MPHOSPH9: variants seen among roughly 807,000 people sequenced by gnomAD.
The protein encoded by MPHOSPH9 is M-phase phosphoprotein 9.
In MPHOSPH9, 88 loss-of-function variants were observed where a neutral mutation model predicts 145.5. The observed-to-expected ratio is 0.60, with a 90% CI of 0.51 to 0.72. MPHOSPH9 has a LOEUF of 0.72. MPHOSPH9 is among the 30% of genes least tolerant of loss of function. The pLI, the probability that MPHOSPH9 is intolerant of heterozygous loss-of-function variation, is 0.00. For missense variants in MPHOSPH9, 1,238 were observed against 1,386.6 expected (o/e 0.89, Z 1.70); for synonymous variants, 435 against 486.2 (o/e 0.89, Z 1.39).
At chr12:123,189,779 C>CA (rs1039717814) in intron 13 of MPHOSPH9, among the ~76,000 whole-genome samples, 7 of 151,286 alleles carry the variant, frequency 4.6e-5, no homozygotes, top group Admixed American at 2.6e-4. Flanking sequence ...CTAAAAATAC[C>CA]AAAAAAATCA....
chr12:123,202,626 A>T lies in MPHOSPH9; in HGVS notation c.1779T>A (p.Ser593=). 6.2e-7 allele frequency: 1 copy of T among 1,610,714 alleles called. No individual in the cohort carries two copies. The highest frequency in any genetic ancestry group is 8.5e-7 in the Non-Finnish European group (1 of 1,177,160). ...AAGCCATTCACTGAAATACATACTT[A>T]GACAATATCACAGGATCTTCCAAGG... ...LTSLEDPVIL[S]KIRQNLKEKH... is the part of the protein sequence containing the mutation. Residue 593 remains serine (S), a splice_region_variant and synonymous_variant, in exon 10 of 24, where the codon TCT becomes TCA. Transcript: ENST00000606320.
chr12:123,229,065 C>T (rs2047538464), intron 2 of MPHOSPH9, among the ~76,000 whole-genome samples: 1 of 152,154 alleles, frequency 6.6e-6, no homozygotes, highest in African/African-American at 2.4e-5. Context: ...GTTTTATATA[C>T]CCATGTAAGC....
chr12:123,193,520 C>T (rs1263648432), intron 13 of MPHOSPH9, among the ~76,000 whole-genome samples: 1 of 151,978 alleles, frequency 6.6e-6, no homozygotes, highest in Non-Finnish European at 1.5e-5. Flanking sequence ...TGCAGTGGCA[C>T]ACACGTGTAG....
upstream of MPHOSPH9, among the ~76,000 whole-genome samples, chr12:123,237,290 C>T (rs1175305661): frequency 1.3e-5 from 2 of 152,166 alleles, no homozygotes; most frequent in African/African-American, 2.4e-5. Flanking sequence ...ATTAGCCGGG[C>T]ATGATGGCAG....
chr12:123,215,715 T>C (rs2046923528), intron 6 of MPHOSPH9, among the ~76,000 whole-genome samples: 1 of 152,204 alleles, frequency 6.6e-6, no homozygotes, highest in Non-Finnish European at 1.5e-5. Context: ...TCCAGAGATA[T>C]GTGATGAGAA....
At chr12:123,233,270 C>A (rs932400869), upstream of MPHOSPH9, 3 of 152,326 alleles carry the variant, frequency 2.0e-5, no homozygotes, top group African/African-American at 7.2e-5. Flanking sequence ...AGACATCCAA[C>A]CCCGGGGGAG....
At chr12:123,215,058 A>G (rs2138516963) in intron 6 of MPHOSPH9, among the ~76,000 whole-genome samples, 1 of 152,304 alleles carries the variant, frequency 6.6e-6, no homozygotes, top group East Asian at 1.9e-4. Context: ...CCTGGTCAAG[A>G]TGATGAAACC....
intron 1 of MPHOSPH9, among the ~76,000 whole-genome samples, chr12:123,242,529 A>T (rs979831429): frequency 6.6e-6 from 1 of 152,124 alleles, no homozygotes; most frequent in African/African-American, 2.4e-5. Context: ...TGTCATTTTT[A>T]GCAGTCATTG....
At chr12:123,176,456 C>G (rs1400016215) in intron 16 of MPHOSPH9, among the ~76,000 whole-genome samples, 1 of 152,098 alleles carries the variant, frequency 6.6e-6, no homozygotes, top group Non-Finnish European at 1.5e-5. Context: ...CACAGCTGGG[C>G]AAAGAACAAA....
rs372002879 is a variant in MPHOSPH9 at position 123,194,536 on chromosome 12, T to C, written c.2091A>G (p.Glu697=). The change falls in exon 13 of 24, where the codon GAA becomes GAG. Residue 697 remains glutamate (E), a synonymous_variant. Transcript: ENST00000606320. The part of the protein sequence containing the change: ...SASKILQERI[E]EMRTSSKEKD... ...TTTCTTTACTGCTTGTTCTCATTTC[T>C]TCAATTCGTTCCTGCAAAATTTTGG... is the stretch of plus-strand genomic sequence containing the variant. The C allele has an allele frequency of 1.9e-6, 3 of 1,613,284 alleles. No individual in the cohort carries two copies. The South Asian group carries it at 3.3e-5, about 18-fold the overall frequency.
intron 12 of MPHOSPH9, among the ~76,000 whole-genome samples, chr12:123,195,857 T>C (rs1426564961): frequency 4.6e-5 from 7 of 151,298 alleles, no homozygotes; most frequent in Non-Finnish European, 1.0e-4. Flanking sequence ...CTGGGCGACA[T>C]AGCGTGTCTC....
At chr12:123,227,079 A>AATTAGAACATTGAAAATATTTCAAAGTGG (rs2047466539) in intron 3 of MPHOSPH9, among the ~76,000 whole-genome samples, 2 of 152,216 alleles carry the variant, frequency 1.3e-5, no homozygotes, top group Admixed American at 1.3e-4. Flanking sequence ...TTCAATTTAT[A>AATTAGAACATTGAAAATATTTCAAAGTGG]ATTAGAACAT....
At chr12:123,208,884 TC>T (rs2046569759) in intron 8 of MPHOSPH9, among the ~76,000 whole-genome samples, 3 of 152,050 alleles carry the variant, frequency 2.0e-5, no homozygotes, top group Non-Finnish European at 4.4e-5. Context: ...GATGCCCAGC[TC>T]AAGCCAGCCA....
chr12:123,161,185 A>G lies in MPHOSPH9; in HGVS notation c.3332T>C (p.Leu1111Pro). 1 of 1,614,176 alleles carries G rather than the reference A, an allele frequency of 6.2e-7. No individual in the cohort carries two copies. Among genetic ancestry groups the G allele is most frequent in the South Asian group, 1.1e-5 (1 of 91,082 alleles). The part of the protein sequence containing the change: ...DFEYTAKIRT[L>P]AETERFFDEL... ...ATCAAAAAATCGTTCTGTTTCAGCTAGGGTCCGAATTTTTGCTGTATATTC... is the reference window on the plus strand; with the variant it reads ...ATCAAAAAATCGTTCTGTTTCAGCTGGGGTCCGAATTTTTGCTGTATATTC... Residue 1111 changes from leucine (L) to proline (P), a missense_variant, in exon 22 of 24, where the codon CTA (leucine) becomes CCA (proline). This residue lies in a region of MPHOSPH9 where 393 missense variants were observed against 462.5 expected (regional missense o/e 0.85). Coordinates refer to ENST00000606320, the MANE Select transcript of MPHOSPH9 (RefSeq NM_022782.4).
intron 18 of MPHOSPH9, among the ~76,000 whole-genome samples, chr12:123,164,780 G>A (rs1305206843): frequency 6.6e-6 from 1 of 152,114 alleles, no homozygotes; most frequent in Non-Finnish European, 1.5e-5. Flanking sequence ...AGGACAAGGC[G>A]GGTGGACCAC....
intron 8 of MPHOSPH9, among the ~76,000 whole-genome samples, 175 bp downstream of exon 8, chr12:123,209,881 C>T (rs1470681640): frequency 2.0e-5 from 3 of 151,414 alleles, no homozygotes; most frequent in Non-Finnish European, 2.9e-5. Flanking sequence ...GGACTACAGG[C>T]GCCCGCCACC....
At chr12:123,170,292 G>A (rs1203052627) in intron 16 of MPHOSPH9, among the ~76,000 whole-genome samples, 1 of 152,010 alleles carries the variant, frequency 6.6e-6, no homozygotes, top group Admixed American at 6.6e-5. Context: ...ACAGCTGCGT[G>A]CCACCACATC....
intron 4 of MPHOSPH9, among the ~76,000 whole-genome samples, chr12:123,222,103 G>C (rs774689697): frequency 2.0e-5 from 3 of 152,038 alleles, no homozygotes; most frequent in Non-Finnish European, 4.4e-5. Flanking sequence ...GGGAGGCCGA[G>C]GTGGGCAGAT....
chr12:123,202,042 G>C, intron 11 of MPHOSPH9, 122 bp downstream of exon 11: 5 of 1,070,264 alleles, frequency 4.7e-6, no homozygotes, highest in Non-Finnish European at 6.6e-6. Context: ...AAATACTTAG[G>C]CAAACATGAC....
Sources: gnomAD v4.1 joint callset for allele counts (sites outside exome capture counted in the v4.1 genomes callset) on GRCh38, gnomAD v4.1.1 for gene constraint, gnomAD v4.1.1 regional missense constraint, MANE v1.5 for transcripts, NCBI Gene and HGNC (gene_info 2026-07-23, HGNC 2026-07-21) for gene names.